Variants in SVOP observed in about 807,000 individuals in gnomAD.
SVOP encodes the protein SV2 related protein.
In SVOP, 17 loss-of-function variants were observed where a neutral mutation model predicts 69.1. The observed-to-expected ratio is 0.25, with a 90% CI of 0.17 to 0.37. SVOP has a LOEUF of 0.37. Ranked by LOEUF, SVOP falls within the 10% of genes least tolerant of loss-of-function variation. SVOP has a pLI of 1.00. For missense variants in SVOP, 435 were observed against 597.5 expected (o/e 0.73, Z 2.84); for synonymous variants, 238 against 238.6 (o/e 1.00, Z 0.02).
chr12:108,916,549 C>T (rs7976161), intron 14 of SVOP, among the ~76,000 whole-genome samples: 53,945 of 151,910 alleles, frequency 0.36, 10,259 homozygotes, highest in South Asian at 0.58. Context: ...GAGATTCCAG[C>T]AGCCCTTCTG....
At chr12:108,944,887 A>G (rs1202297696) in intron 7 of SVOP, among the ~76,000 whole-genome samples, 1 of 152,094 alleles carries the variant, frequency 6.6e-6, no homozygotes, top group African/African-American at 2.4e-5. Context: ...TTTTTGAGGG[A>G]CGATAGATTG....
Position 108,944,179 on chromosome 12 carries a change from C to CT in SVOP, c.642+923dup, listed in dbSNP as rs36133433. Among the ~76,000 whole-genome samples, 342 of 143,282 alleles carry CT rather than the reference C, an allele frequency of 2.4e-3. 1 individual carries two copies. Among genetic ancestry groups the CT allele is most frequent in the East Asian group, 2.8e-3 (14 of 4,950 alleles). 94.0% of individuals were successfully genotyped at this position (143,282 alleles called of 152,430 possible). On this transcript the variant is annotated intron_variant, in intron 7 of 15. Transcript: ENST00000610966. ...ATGGGCATGAGCCACTGCGCCTGGC[C>CT]TTTTTTTTTTTTTTAATAGATGGGG...
intron 4 of SVOP, among the ~76,000 whole-genome samples, chr12:108,975,971 G>T (rs780674781): frequency 4.6e-5 from 7 of 152,156 alleles, no homozygotes; most frequent in Non-Finnish European, 1.0e-4. Context: ...AAAGTGCTGG[G>T]ATTACAGGTG....
Position 108,908,635 on chromosome 12 carries a change from T to C in SVOP, c.*3900A>G, listed in dbSNP as rs1051417396. The C allele has an allele frequency of 2.0e-5, 3 of 152,194 alleles. No individual in the cohort carries two copies. The highest frequency in any genetic ancestry group is 4.4e-5 in the Non-Finnish European group (3 of 68,036). The allele number at this position is 152,194 out of a possible 1,614,324, so 9.4% of individuals were successfully genotyped here. On this transcript the variant is annotated 3_prime_UTR_variant, in exon 16 of 16. Transcript: ENST00000610966. ...TCCCCTGTAGGAAATTAACTACCGA[T>C]CCCAGTCTTATAATAAAGCTCTGTT...
At chr12:109,005,948 T>C (rs1476013994) in intron 1 of SVOP, among the ~76,000 whole-genome samples, 1 of 152,164 alleles carries the variant, frequency 6.6e-6, no homozygotes, top group Non-Finnish European at 1.5e-5. Context: ...GGGTTTCAAG[T>C]AGCAGCAAGA....
intron 7 of SVOP, among the ~76,000 whole-genome samples, chr12:108,941,232 T>C (rs2137406743): frequency 6.6e-6 from 1 of 152,294 alleles, no homozygotes; most frequent in Admixed American, 6.5e-5. Context: ...GTTCTCTCTC[T>C]GTCTCTCTGT....
chr12:109,018,041 T>A (rs1460242240), intron 1 of SVOP, among the ~76,000 whole-genome samples: 1 of 152,134 alleles, frequency 6.6e-6, no homozygotes, highest in Non-Finnish European at 1.5e-5. Context: ...CATTCTACCT[T>A]ACTCAGCTGT....
intron 6 of SVOP, among the ~76,000 whole-genome samples, chr12:108,956,844 A>G (rs142715158): frequency 0.79 from 120,373 of 152,116 alleles, 48,085 homozygotes; most frequent in East Asian, 0.96. Flanking sequence ...CTGCTGGCCT[A>G]AGAGAGCAAT....
rs149635463 is a variant in SVOP at position 108,940,302 on chromosome 12, G to T, written c.768+482C>A. 1.1e-4 allele frequency among the ~76,000 whole-genome samples: 16 copies of T among 152,304 alleles called. No individual in the cohort carries two copies. In the East Asian group the frequency reaches 3.1e-3, roughly 29 times the overall value. ...TAAAGTGTTTCAAGCATGTGCCCAT[G>T]AAATGATGAGTATGTGGCAAGATCT... On this transcript the variant is annotated intron_variant, in intron 8 of 15. Coordinates refer to ENST00000610966, the MANE Select transcript of SVOP (RefSeq NM_018711.5).
At chr12:108,966,313 T>C (rs1444445955) in intron 5 of SVOP, among the ~76,000 whole-genome samples, 2 of 152,210 alleles carry the variant, frequency 1.3e-5, no homozygotes, top group Non-Finnish European at 2.9e-5. Flanking sequence ...TGGATGCGTT[T>C]ATCTCCATGT....
At chr12:108,924,943 TAG>T (rs926176618) in intron 11 of SVOP, among the ~76,000 whole-genome samples, 7 of 152,030 alleles carry the variant, frequency 4.6e-5, no homozygotes, top group African/African-American at 1.7e-4. Flanking sequence ...CTGAGGGGCC[TAG>T]AGAGAGTCAG....
chr12:108,919,308 C>T (rs2039734061), intron 13 of SVOP, among the ~76,000 whole-genome samples: 1 of 130,780 alleles, frequency 7.6e-6, no homozygotes, highest in South Asian at 2.2e-4. Flanking sequence ...GGCCAATACC[C>T]ACACCTGGGC....
At chr12:108,947,028 GTTA>G (rs1431442029) in intron 6 of SVOP, among the ~76,000 whole-genome samples, 2 of 152,092 alleles carry the variant, frequency 1.3e-5, no homozygotes, top group Non-Finnish European at 2.9e-5. Flanking sequence ...CCTGCAACCT[GTTA>G]TTATTTTGAT....
chr12:108,972,605 C>A, intron 4 of SVOP, 129 bp from the exon 5 acceptor site: 6 of 949,432 alleles, frequency 6.3e-6, no homozygotes, highest in Non-Finnish European at 9.7e-6. Flanking sequence ...TGAGAGCCTG[C>A]CAAGGGGCAA....
chr12:108,918,195 C>G, intron 13 of SVOP, 71 bp from the exon 14 acceptor site: 1 of 1,297,622 alleles, frequency 7.7e-7, no homozygotes, highest in Non-Finnish European at 1.0e-6. Context: ...CCTATCTTCC[C>G]AGGCAGTATC....
chr12:108,970,302 C>A (rs1464911302), intron 5 of SVOP, among the ~76,000 whole-genome samples: 3 of 152,174 alleles, frequency 2.0e-5, no homozygotes, highest in African/African-American at 7.2e-5. Context: ...GATGAGCAAA[C>A]CATGTGGTCC....
chr12:108,997,774 C>A (rs1373673221), intron 1 of SVOP, among the ~76,000 whole-genome samples: 415 of 151,708 alleles, frequency 2.7e-3, no homozygotes, highest in African/African-American at 9.1e-3. Context: ...GGAAAACTAA[C>A]AAACAGAAAG....
intron 1 of SVOP, among the ~76,000 whole-genome samples, chr12:109,016,163 A>AG (rs2040366556): frequency 6.6e-6 from 1 of 152,194 alleles, no homozygotes; most frequent in Non-Finnish European, 1.5e-5. Flanking sequence ...TGATCCTTAC[A>AG]ACAGCCCTGC....
intron 15 of SVOP, among the ~76,000 whole-genome samples, chr12:108,914,617 G>A (rs771238932): frequency 2.8e-4 from 43 of 151,742 alleles, no homozygotes; most frequent in Non-Finnish European, 5.7e-4. Context: ...CGCCCAGGCC[G>A]GAGTGTAGTG....
Sources: gnomAD v4.1 joint callset for allele counts (sites outside exome capture counted in the v4.1 genomes callset) on GRCh38, gnomAD v4.1.1 for gene constraint, MANE v1.5 for transcripts, NCBI Gene and HGNC (gene_info 2026-07-23, HGNC 2026-07-21) for gene names.